Variants in HPSE2 observed in about 807,000 individuals in gnomAD.
HPSE2 encodes heparanase 2 (inactive), also known as inactive heparanase-2.
In HPSE2, 38 loss-of-function variants were observed where a neutral mutation model predicts 60.5. The ratio of observed to expected loss-of-function variants is 0.63; its 90% CI spans 0.48 to 0.82. HPSE2 has a LOEUF of 0.82. Ranked by LOEUF, HPSE2 falls within the 40% of genes least tolerant of loss-of-function variation. The pLI, the probability that HPSE2 is intolerant of heterozygous loss-of-function variation, is 0.00. For synonymous variants in HPSE2, 295 were observed against 293.2 expected (o/e 1.01, Z -0.06); for missense variants, 713 against 740.4 (o/e 0.96, Z 0.43).
chr10:98,657,212 C>A (rs200457738), intron 6 of HPSE2, among the ~76,000 whole-genome samples: 537 of 138,408 alleles, frequency 3.9e-3, no homozygotes, highest in Non-Finnish European at 5.0e-3. Context: ...AGAAGCTGTG[C>A]AAAAAAAAAA....
chr10:99,022,594 C>T (rs1957287458), intron 3 of HPSE2, among the ~76,000 whole-genome samples: 1 of 152,142 alleles, frequency 6.6e-6, no homozygotes, highest in African/African-American at 2.4e-5. Context: ...AGATCCCTTC[C>T]TTCCACTTGA....
In HPSE2 at chr10:99,097,095, G is replaced by A. The variant is rs554115513; in HGVS notation, c.610+47143C>T. On this transcript the variant is annotated intron_variant, in intron 3 of 11. Coordinates refer to ENST00000370552, the MANE Select transcript of HPSE2 (RefSeq NM_021828.5). The stretch of plus-strand genomic sequence containing the variant: ...ACTAAATCCGGCTCACTAGTTATCA[G>A]CCAGTATATACCCAAGGACAAGACC... Among the ~76,000 whole-genome samples the A allele has an allele frequency of 2.6e-5, 4 of 152,266 alleles. No homozygotes were observed. In the South Asian group the frequency reaches 8.3e-4, roughly 32 times the overall value.
intron 3 of HPSE2, among the ~76,000 whole-genome samples, chr10:98,958,443 T>C (rs1955563639): frequency 6.6e-6 from 1 of 152,102 alleles, no homozygotes; most frequent in Admixed American, 6.6e-5. Flanking sequence ...GAACTTTGAT[T>C]AAATGAATAA....
At chr10:99,123,162 C>CA (rs1218759533) in intron 3 of HPSE2, among the ~76,000 whole-genome samples, 4 of 151,920 alleles carry the variant, frequency 2.6e-5, no homozygotes, top group Non-Finnish European at 5.9e-5. Context: ...TAAAAACAGT[C>CA]AAAAAATAGA....
In HPSE2 at chr10:99,133,831, A is replaced by G. The variant is rs571627675; in HGVS notation, c.610+10407T>C. 2.0e-5 allele frequency among the ~76,000 whole-genome samples: 3 copies of G among 152,128 alleles called. 1 individual carries two copies. The South Asian group carries it at 6.2e-4, about 32-fold the overall frequency. On this transcript the variant is annotated intron_variant, in intron 3 of 11. Transcript: ENST00000370552. The stretch of plus-strand genomic sequence containing the variant: ...GCTGCTTCTCCTCCAAAGGATCACA[A>G]CTCCTCTCCAGCAAGGGAACAAAAC...
intron 6 of HPSE2, among the ~76,000 whole-genome samples, chr10:98,676,956 G>A (rs957062759): frequency 1.1e-4 from 16 of 149,214 alleles, no homozygotes; most frequent in African/African-American, 3.9e-4. Flanking sequence ...TGTCATTAAT[G>A]GTTCTCTTTC....
At chr10:99,083,003 G>C (rs938990584) in intron 3 of HPSE2, among the ~76,000 whole-genome samples, 2 of 152,154 alleles carry the variant, frequency 1.3e-5, no homozygotes, top group African/African-American at 2.4e-5. Context: ...TTTGTTTAGA[G>C]AGCTCTACTT....
intron 6 of HPSE2, among the ~76,000 whole-genome samples, chr10:98,688,478 T>C (rs201814174): frequency 0.027 from 2,629 of 98,012 alleles, 24 homozygotes; most frequent in African/African-American, 0.092. Context: ...TTTTTTTTTC[T>C]TTTTTTTTTT....
intron 6 of HPSE2, among the ~76,000 whole-genome samples, chr10:98,686,737 T>C (rs867384583): frequency 2.8e-4 from 42 of 152,218 alleles, no homozygotes; most frequent in African/African-American, 9.4e-4. Flanking sequence ...AGGCATTTTA[T>C]AGATATTTTT....
chr10:99,019,535 G>A (rs1378242633), intron 3 of HPSE2, among the ~76,000 whole-genome samples: 1 of 152,068 alleles, frequency 6.6e-6, no homozygotes, highest in Non-Finnish European at 1.5e-5. Context: ...TGGTTTTTAA[G>A]ATAAGTACAT....
chr10:98,924,848 C>T lies in HPSE2; in HGVS notation c.611-180792G>A, dbSNP rs530212382. ...CAAGTTTACCTAGGACCCCAGAGCA[C>T]TTTAGCCCTAAGTGGTGAGGTTTGC... On this transcript the variant is annotated intron_variant, in intron 3 of 11. Transcript: ENST00000370552. 4.7e-4 allele frequency among the ~76,000 whole-genome samples: 72 copies of T among 152,300 alleles called. No homozygotes were observed. The South Asian group carries it at 0.015, about 32-fold the overall frequency.
At chr10:98,524,210 G>A (rs1942887509) in intron 9 of HPSE2, among the ~76,000 whole-genome samples, 1 of 152,180 alleles carries the variant, frequency 6.6e-6, no homozygotes, top group Non-Finnish European at 1.5e-5. Context: ...GAAGTCCAAT[G>A]GGATAATGGG....
chr10:98,918,379 C>T (rs537187896), intron 3 of HPSE2, among the ~76,000 whole-genome samples: 14 of 151,818 alleles, frequency 9.2e-5, no homozygotes, highest in Admixed American at 3.9e-4. Context: ...CACATGCACA[C>T]GTATGTTTAT....
chr10:99,137,870 C>A (rs904466628), intron 3 of HPSE2, among the ~76,000 whole-genome samples: 6 of 152,124 alleles, frequency 3.9e-5, no homozygotes, highest in Non-Finnish European at 8.8e-5. Flanking sequence ...GCACTGGCAA[C>A]AAAAACCAAA....
In HPSE2 at chr10:99,081,954, T is replaced by A. The variant is rs113834340; in HGVS notation, c.610+62284A>T. Reference sequence around the variant, plus strand: ...CCCAGCCGATGATGATACAATTTCTTAAAGCTACCAATTCATTTTCAGACA... The same window carrying A: ...CCCAGCCGATGATGATACAATTTCTAAAAGCTACCAATTCATTTTCAGACA... On this transcript the variant is annotated intron_variant, in intron 3 of 11. Coordinates refer to ENST00000370552, the MANE Select transcript of HPSE2 (RefSeq NM_021828.5). Among the ~76,000 whole-genome samples, 665 of 152,310 alleles carry A rather than the reference T, an allele frequency of 4.4e-3. 2 individuals carry two copies. The highest frequency in any genetic ancestry group is 7.6e-3 in the Non-Finnish European group (518 of 68,024).
intron 9 of HPSE2, among the ~76,000 whole-genome samples, chr10:98,606,912 G>A (rs1589497851): frequency 6.6e-6 from 1 of 152,090 alleles, no homozygotes; most frequent in Admixed American, 6.6e-5. Context: ...ACCAGACATC[G>A]TTGTGCCCTT....
intron 3 of HPSE2, among the ~76,000 whole-genome samples, chr10:98,977,409 C>G (rs1323658719): frequency 6.6e-6 from 1 of 152,146 alleles, no homozygotes; most frequent in South Asian, 2.1e-4. Context: ...TGGATGTACA[C>G]TGGGGAGGTA....
chr10:99,244,482 C>T, the HPSE2 span, among the ~76,000 whole-genome samples: 2 of 148,852 alleles, frequency 1.3e-5, no homozygotes, highest in African/African-American at 4.9e-5. Context: ...TCATGGCTCA[C>T]TGCAGTCTCT....
chr10:99,228,462 A>T (rs2902263), intron 2 of HPSE2, among the ~76,000 whole-genome samples: 75,009 of 152,038 alleles, frequency 0.49, 21,693 homozygotes, highest in Non-Finnish European at 0.64. Context: ...AAAAACATGC[A>T]TACAAATAAA....
Sources: allele counts gnomAD v4.1 joint callset (sites outside exome capture counted in the v4.1 genomes callset), GRCh38; gene constraint gnomAD v4.1.1; transcripts MANE v1.5; gene names NCBI Gene and HGNC (gene_info 2026-07-23, HGNC 2026-07-21).